The following MECOM variants were observed in gnomAD, a reference collection of about 807,000 sequenced individuals.
The protein encoded by MECOM is histone-lysine N-methyltransferase MECOM.
MECOM carries 13 observed loss-of-function variants against 116.3 expected under a neutral mutation model. The observed-to-expected ratio is 0.11, with a 90% CI of 0.07 to 0.18. The LOEUF (loss-of-function observed/expected upper bound fraction) is 0.18. MECOM is among the 10% of genes least tolerant of loss of function. The pLI, the probability that MECOM is intolerant of heterozygous loss-of-function variation, is 1.00. For synonymous variants in MECOM, 528 were observed against 535.2 expected (o/e 0.99, Z 0.19); for missense variants, 1,299 against 1,509.0 (o/e 0.86, Z 2.31).
At chr3:169,177,494 T>G (rs1416231611) in intron 2 of MECOM, among the ~76,000 whole-genome samples, 1 of 151,806 alleles carries the variant, frequency 6.6e-6, no homozygotes, top group Non-Finnish European at 1.5e-5. Context: ...GGGAAGGAAC[T>G]TAGAGGACAG....
rs79565984 is a variant in MECOM at position 169,459,966 on chromosome 3, T to A, written c.38-78442A>T. Among the ~76,000 whole-genome samples the A allele has an allele frequency of 1.9e-3, 286 of 152,266 alleles. 5 individuals are homozygous for A. In the East Asian group the frequency reaches 0.049, roughly 26 times the overall value. On this transcript the variant is annotated intron_variant, in intron 1 of 16. Coordinates refer to ENST00000651503, the MANE Select transcript of MECOM (RefSeq NM_004991.4). ...TTCTTAACTCTTTAGGCTGCTGTAA[T>A]CCTTTTCCAAAATGTTTAAGAATAG...
chr3:169,307,456 C>T (rs1717930490), intron 2 of MECOM, among the ~76,000 whole-genome samples: 1 of 152,116 alleles, frequency 6.6e-6, no homozygotes, highest in Non-Finnish European at 1.5e-5. Context: ...TGCCTGTGGT[C>T]CCGGCTACTT....
intron 8 of MECOM, among the ~76,000 whole-genome samples, chr3:169,113,112 A>C (rs576055153): frequency 6.6e-6 from 1 of 152,248 alleles, no homozygotes; most frequent in African/African-American, 2.4e-5. Context: ...TAGGAATAGG[A>C]ATAACGAGAA....
chr3:169,573,861 G>A (rs1215009206), intron 1 of MECOM, among the ~76,000 whole-genome samples: 1 of 152,118 alleles, frequency 6.6e-6, no homozygotes, highest in Non-Finnish European at 1.5e-5. Context: ...AGACCACGTT[G>A]AGTTGGAAAT....
Position 169,115,934 on chromosome 3 carries a change from T to A in MECOM, c.1938A>T (p.Pro646=). 2 of 1,614,106 alleles carry A rather than the reference T, an allele frequency of 1.2e-6. No individual in the cohort carries two copies. The highest frequency in any genetic ancestry group is 1.7e-6 in the Non-Finnish European group (2 of 1,180,022). The change falls in exon 8 of 17, where the codon CCA becomes CCT. Residue 646 remains proline, a synonymous_variant. Transcript: ENST00000651503. ...ACACCGCAGTCTGCTCCTCTAAAGA[T>A]GGTGAGAAAATGGAATGATTGCTGT... ...KEYSNHSIFS[P]SLEEQTAVSG...
At chr3:169,122,548 G>C (rs777092453) in intron 6 of MECOM, 32 bp downstream of exon 6, 2 of 1,613,060 alleles carry the variant, frequency 1.2e-6, no homozygotes, top group South Asian at 2.2e-5. Flanking sequence ...GGATGACATA[G>C]AGAGGCCAAG....
At chr3:169,223,370 G>A (rs1283514948) in intron 2 of MECOM, among the ~76,000 whole-genome samples, 1 of 141,974 alleles carries the variant, frequency 7.0e-6, no homozygotes, top group Non-Finnish European at 1.5e-5. Context: ...CCACCTATGA[G>A]TGAGAACATG....
At chr3:169,448,585 A>C (rs1745042020) in intron 1 of MECOM, among the ~76,000 whole-genome samples, 1 of 152,176 alleles carries the variant, frequency 6.6e-6, no homozygotes, top group Non-Finnish European at 1.5e-5. Flanking sequence ...CTTTAATCAA[A>C]TATTTTAGAA....
At chr3:169,170,351 G>A (rs188427935) in intron 2 of MECOM, among the ~76,000 whole-genome samples, 2 of 141,288 alleles carry the variant, frequency 1.4e-5, no homozygotes, top group East Asian at 4.3e-4. Context: ...AGGTTGCAGT[G>A]AGCCAAGATC....
At chr3:169,417,082 G>A (rs1467702137) in intron 1 of MECOM, among the ~76,000 whole-genome samples, 1 of 151,656 alleles carries the variant, frequency 6.6e-6, no homozygotes, top group Non-Finnish European at 1.5e-5. Flanking sequence ...AAAAGCAATG[G>A]CAACAAAAGC....
chr3:169,172,199 T>C (rs1471548928), intron 2 of MECOM, among the ~76,000 whole-genome samples: 1 of 152,148 alleles, frequency 6.6e-6, no homozygotes, highest in Non-Finnish European at 1.5e-5. Context: ...AAGAACTGGA[T>C]GGTAGATGTT....
intron 16 of MECOM, among the ~76,000 whole-genome samples, chr3:169,086,720 A>G (rs1717876644): frequency 6.6e-6 from 1 of 152,204 alleles, no homozygotes; most frequent in Non-Finnish European, 1.5e-5. Flanking sequence ...TACCGGATAG[A>G]GTTTCTTGAG....
chr3:169,310,750 C>T (rs772090355), intron 2 of MECOM, among the ~76,000 whole-genome samples: 3 of 152,194 alleles, frequency 2.0e-5, no homozygotes, highest in Admixed American at 1.3e-4. Flanking sequence ...TGCACACATG[C>T]GATGACCTGT....
At chr3:169,254,463 C>A (rs1756627962) in intron 2 of MECOM, among the ~76,000 whole-genome samples, 1 of 152,140 alleles carries the variant, frequency 6.6e-6, no homozygotes, top group Admixed American at 6.6e-5. Context: ...TTGTTACAGG[C>A]ACTCTTTATG....
intron 1 of MECOM, among the ~76,000 whole-genome samples, chr3:169,532,777 A>C (rs1758819704): frequency 6.6e-6 from 1 of 152,104 alleles, no homozygotes; most frequent in African/African-American, 2.4e-5. Context: ...GCACACACAA[A>C]TATACTGAAT....
At chr3:169,131,621 TACAAACACCTTA>T in intron 3 of MECOM, 90 bp from the exon 4 acceptor site, 2 of 910,682 alleles carry the variant, frequency 2.2e-6, no homozygotes, top group Non-Finnish European at 3.3e-6. Flanking sequence ...AAGATACCTG[TACAAACACCTTA>T]ACAAACATCT....
chr3:169,092,438 A>T (rs1720028301), intron 14 of MECOM, among the ~76,000 whole-genome samples: 1 of 152,050 alleles, frequency 6.6e-6, no homozygotes, highest in Non-Finnish European at 1.5e-5. Flanking sequence ...TATACAGAAT[A>T]TACATATATG....
At chr3:169,379,819 T>C (rs1311776134) in intron 2 of MECOM, among the ~76,000 whole-genome samples, 1 of 152,172 alleles carries the variant, frequency 6.6e-6, no homozygotes, top group Non-Finnish European at 1.5e-5. Flanking sequence ...TGAACAATAA[T>C]GACGTAAAGT....
intron 2 of MECOM, among the ~76,000 whole-genome samples, chr3:169,263,083 A>C (rs1489754102): frequency 0.019 from 32 of 1,648 alleles, no homozygotes; most frequent in African/African-American, 0.054. Context: ...GATGCTATAT[A>C]TATATATATA....
Sources: gnomAD v4.1 joint callset for allele counts (sites outside exome capture counted in the v4.1 genomes callset) on GRCh38, gnomAD v4.1.1 for gene constraint, MANE v1.5 for transcripts, NCBI Gene and HGNC (gene_info 2026-07-23, HGNC 2026-07-21) for gene names.